Variants in NCOR2 observed in about 807,000 individuals in gnomAD.
NCOR2 encodes the protein CTG repeat protein 26.
Under a neutral mutation model 262.9 loss-of-function variants are expected in NCOR2, and 81 were observed. The ratio of observed to expected loss-of-function variants is 0.31; its 90% CI spans 0.26 to 0.37. NCOR2 has a LOEUF of 0.37. Ranked by LOEUF, NCOR2 falls within the 10% of genes least tolerant of loss-of-function variation. NCOR2 has a pLI of 1.00. For missense variants in NCOR2, 3,385 were observed against 3,621.4 expected, an observed-to-expected ratio of 0.93 and a Z score of 1.68; for synonymous variants, 1,659 against 1,559.3, an observed-to-expected ratio of 1.06 and a Z score of -1.51.
In NCOR2 at chr12:124,449,875, G is replaced by C. The variant is rs754735163; in HGVS notation, c.763-8C>G. On this transcript the variant is annotated splice_region_variant and splice_polypyrimidine_tract_variant and intron_variant, in intron 6 of 46. Transcript: ENST00000405201. The stretch of plus-strand genomic sequence containing the variant: ...GGGCTGGTTGTACAGCGGCTGCAAA[G>C]GGAGAGAGAGAAGCACATCAGAGCC... 6.2e-7 allele frequency: 1 copy of C among 1,613,768 alleles called. No homozygotes were observed.
chr12:124,498,088 C>T (rs534704884), upstream of NCOR2, among the ~76,000 whole-genome samples: 28 of 152,332 alleles, frequency 1.8e-4, no homozygotes, highest in East Asian at 5.4e-3. Flanking sequence ...ATAAGGCCGT[C>T]ACTTCTGCAG....
chr12:124,335,646 G>T lies in NCOR2; in HGVS notation c.6116-14C>A, dbSNP rs557062997. ...TGCCGTGGTAACCTAGGGCAGGCGG[G>T]GGGTGCAGAGTCAGGCACCGGGCCC... is the stretch of plus-strand genomic sequence containing the variant. On this transcript the variant is annotated splice_polypyrimidine_tract_variant and intron_variant, in intron 38 of 46. Transcript: ENST00000405201. 1.5e-5 allele frequency: 24 copies of T among 1,590,016 alleles called. No homozygotes were observed. In the South Asian group the frequency reaches 2.4e-4, roughly 16 times the overall value.
At chr12:124,351,602 C>T (rs148216843) in intron 27 of NCOR2, among the ~76,000 whole-genome samples, 3 of 152,194 alleles carry the variant, frequency 2.0e-5, no homozygotes, top group Non-Finnish European at 4.4e-5. Flanking sequence ...AGGAGATGGC[C>T]ACGTGGGGCA....
chr12:124,334,831 A>G, intron 40 of NCOR2: 1 of 597,734 alleles, frequency 1.7e-6, no homozygotes, highest in Non-Finnish European at 3.0e-6. Context: ...TAGTTGGCAG[A>G]TGGCTGATGA....
At chr12:124,359,886 G>C (rs755908431) in intron 22 of NCOR2, among the ~76,000 whole-genome samples, 51 of 152,382 alleles carry the variant, frequency 3.3e-4, no homozygotes, top group Non-Finnish European at 1.2e-4. Context: ...TGGGTGTCAA[G>C]TTCATGTGTG....
Position 124,378,825 on chromosome 12 carries a change from G to A in NCOR2, c.2020-441C>T, listed in dbSNP as rs1419609861. ...GAACAGGCCAGCCTGGGAAGCTCGC[G>A]TTTCATTCCCTGAACCTTTACAGAA... On this transcript the variant is annotated intron_variant, in intron 17 of 46. Transcript: ENST00000405201. This position sits in a 1 kb window ranked among gnomAD's most constrained non-coding sequence, Gnocchi z 4.2. 6.6e-6 allele frequency among the ~76,000 whole-genome samples: 1 copy of A among 152,214 alleles called. No individual in the cohort carries two copies. Among genetic ancestry groups the A allele is most frequent in the Non-Finnish European group, 1.5e-5 (1 of 68,038 alleles).
intron 16 of NCOR2, among the ~76,000 whole-genome samples, 191 bp downstream of exon 18, chr12:124,397,928 C>T (rs764424253): frequency 6.6e-6 from 1 of 152,232 alleles, no homozygotes; most frequent in Admixed American, 6.5e-5. Context: ...CTGCACAGAC[C>T]CATTTTCTGG....
intron 8 of NCOR2, among the ~76,000 whole-genome samples, chr12:124,434,488 C>T (rs2044212580): frequency 1.3e-5 from 2 of 152,094 alleles, no homozygotes; most frequent in South Asian, 2.1e-4. Flanking sequence ...GCCAATTTCT[C>T]CCTCCACCCC....
intron 1 of NCOR2, among the ~76,000 whole-genome samples, chr12:124,545,644 A>T (rs2051517465): frequency 6.6e-6 from 1 of 152,186 alleles, no homozygotes; most frequent in Non-Finnish European, 1.5e-5. Flanking sequence ...CAGAAGCCCA[A>T]GTGGCCCGGC....
rs531264468 is a variant in NCOR2 at position 124,389,914 on chromosome 12, A to G, written c.1877-4027T>C. On this transcript the variant is annotated intron_variant, in intron 16 of 46. Transcript: ENST00000405201. The surrounding 1 kb of genome is among the most constrained non-coding windows in gnomAD (Gnocchi z 4.4). The stretch of plus-strand genomic sequence containing the variant: ...CACCCAGAAGGTTGAAAGTTAACTG[A>G]GCTGAACTTTGGATCCTAGATTCAG... Among the ~76,000 whole-genome samples the G allele has an allele frequency of 6.6e-6, 1 of 152,140 alleles. No homozygotes were observed. The highest frequency in any genetic ancestry group is 2.4e-5 in the African/African-American group (1 of 41,510).
At chr12:124,529,196 A>AAACAAAAC (rs1555238613) in intron 1 of NCOR2, among the ~76,000 whole-genome samples, 1 of 147,074 alleles carries the variant, frequency 6.8e-6, no homozygotes, top group African/African-American at 2.6e-5. Context: ...AAAAAAAAAA[A>AAACAAAAC]AAAAAACACT....
intron 16 of NCOR2, among the ~76,000 whole-genome samples, chr12:124,396,145 A>T (rs2041641255): frequency 6.6e-6 from 1 of 152,200 alleles, no homozygotes; most frequent in Admixed American, 6.5e-5. Flanking sequence ...AGAGACAGAG[A>T]GTGCATTAGT....
intron 1 of NCOR2, among the ~76,000 whole-genome samples, chr12:124,493,811 G>A (rs764544474): frequency 2.6e-5 from 4 of 152,156 alleles, no homozygotes; most frequent in East Asian, 1.9e-4. Flanking sequence ...ATAGAGGCAC[G>A]GGGGAGTGGG....
chr12:124,452,640 C>A (rs543441307), intron 6 of NCOR2, among the ~76,000 whole-genome samples: 2 of 152,384 alleles, frequency 1.3e-5, no homozygotes, highest in East Asian at 3.9e-4. Flanking sequence ...CAGCACGCAG[C>A]CCTGGGAGGG....
At chr12:124,472,073 T>C (rs938477860) in intron 4 of NCOR2, among the ~76,000 whole-genome samples, 3 of 152,148 alleles carry the variant, frequency 2.0e-5, no homozygotes, top group Admixed American at 6.5e-5. Context: ...ATTGGCTGGA[T>C]TGGCTGAACC....
intron 20 of NCOR2, among the ~76,000 whole-genome samples, chr12:124,370,875 G>T (rs1303596633): frequency 6.6e-6 from 1 of 152,110 alleles, no homozygotes; most frequent in Non-Finnish European, 1.5e-5. Context: ...AATTTGCAAG[G>T]GGAACCTCTG....
At chr12:124,355,285 A>T in intron 24 of NCOR2, 147 bp downstream of exon 26, 3 of 979,344 alleles carry the variant, frequency 3.1e-6, no homozygotes, top group Non-Finnish European at 3.0e-6. Context: ...CTGGGGCAGG[A>T]CCCAGCCAGC....
rs1053620808 is a variant in NCOR2, at chr12:124,389,403, G to T, written c.1877-3516C>A. On this transcript the variant is annotated intron_variant, in intron 16 of 46. Coordinates refer to ENST00000405201, the Ensembl canonical transcript of NCOR2. The surrounding 1 kb of genome is among the most constrained non-coding windows in gnomAD (Gnocchi z 4.4). ...GTGGCAGAGGCCCAGGTTCACAAGG[G>T]GCGGGCCAACTTGGCACTGGCTCCC... is the stretch of plus-strand genomic sequence containing the variant. Among the ~76,000 whole-genome samples the T allele has an allele frequency of 1.3e-5, 2 of 152,250 alleles. No homozygotes were observed. Among genetic ancestry groups the T allele is most frequent in the Admixed American group, 1.3e-4 (2 of 15,290 alleles).
At chr12:124,387,466 A>C (rs1466629450) in intron 16 of NCOR2, among the ~76,000 whole-genome samples, 1 of 152,082 alleles carries the variant, frequency 6.6e-6, no homozygotes, top group African/African-American at 2.4e-5. Flanking sequence ...GGTCCCGCCA[A>C]CTCACCCAAG....
Sources: allele counts gnomAD v4.1 joint callset (sites outside exome capture counted in the v4.1 genomes callset), GRCh38; gene constraint gnomAD v4.1.1; non-coding constraint Gnocchi (gnomAD v3.1); transcripts MANE v1.5; gene names NCBI Gene and HGNC (gene_info 2026-07-23, HGNC 2026-07-21).